Variants in CNTNAP2 observed in about 807,000 individuals in gnomAD.
The protein encoded by CNTNAP2 is contactin associated protein 2.
A neutral mutation model predicts 155.2 loss-of-function variants in CNTNAP2; 98 were observed. That is an observed-to-expected ratio of 0.63 (90% CI 0.54 to 0.75). The LOEUF (loss-of-function observed/expected upper bound fraction) is 0.75. Ranked by LOEUF, CNTNAP2 falls within the 30% of genes least tolerant of loss-of-function variation. The pLI, the probability that CNTNAP2 is intolerant of heterozygous loss-of-function variation, is 0.00. For synonymous variants in CNTNAP2, 651 were observed against 631.2 expected (o/e 1.03, Z -0.47); for missense variants, 1,727 against 1,688.1 (o/e 1.02, Z -0.40).
intron 20 of CNTNAP2, among the ~76,000 whole-genome samples, chr7:148,265,204 C>T (rs1226904659): frequency 6.6e-6 from 1 of 152,150 alleles, no homozygotes; most frequent in African/African-American, 2.4e-5. Context: ...AACTGAAGAG[C>T]TTTTGCTCCA....
At chr7:146,307,878 T>TAGA (rs570379917) in intron 1 of CNTNAP2, among the ~76,000 whole-genome samples, 17,573 of 151,412 alleles carry the variant, frequency 0.12, 2,457 homozygotes, top group African/African-American at 0.34. Context: ...ATAAAAACCC[T>TAGA]AGAAAACCCA....
chr7:146,599,526 C>T (rs1302951540), intron 1 of CNTNAP2, among the ~76,000 whole-genome samples: 1 of 151,954 alleles, frequency 6.6e-6, no homozygotes, highest in African/African-American at 2.4e-5. Context: ...CTAAATATAT[C>T]CACCAATCAG....
intron 8 of CNTNAP2, among the ~76,000 whole-genome samples, chr7:147,173,284 C>CT (rs554520966): frequency 0.029 from 4,235 of 147,642 alleles, 64 homozygotes; most frequent in South Asian, 0.064. Flanking sequence ...CCAAGTCCTA[C>CT]TTTTTTTTTT....
At chr7:147,052,262 A>G (rs1799486685) in intron 4 of CNTNAP2, among the ~76,000 whole-genome samples, 1 of 152,178 alleles carries the variant, frequency 6.6e-6, no homozygotes, top group Non-Finnish European at 1.5e-5. Context: ...AATTCAAAAT[A>G]AAGTCAACTG....
chr7:146,746,489 T>A (rs1801811907), intron 1 of CNTNAP2, among the ~76,000 whole-genome samples: 1 of 152,126 alleles, frequency 6.6e-6, no homozygotes, highest in South Asian at 2.1e-4. Flanking sequence ...CTAAGGTCAG[T>A]CCTTAGTCTC....
chr7:148,408,137 T>G (rs1486620090), intron 22 of CNTNAP2, among the ~76,000 whole-genome samples: 2 of 151,818 alleles, frequency 1.3e-5, no homozygotes, highest in African/African-American at 4.8e-5. Flanking sequence ...CCCAGCTACT[T>G]GGGAGGCTGA....
chr7:148,247,604 TC>T (rs1796287713), intron 20 of CNTNAP2, among the ~76,000 whole-genome samples: 1 of 144,224 alleles, frequency 6.9e-6, no homozygotes, highest in Non-Finnish European at 1.5e-5. Flanking sequence ...ATTCTCTCTC[TC>T]TCTCTCTCTC....
At chr7:146,182,782 G>C (rs1022927810) in intron 1 of CNTNAP2, among the ~76,000 whole-genome samples, 1 of 152,012 alleles carries the variant, frequency 6.6e-6, no homozygotes, top group Non-Finnish European at 1.5e-5. Flanking sequence ...CTCACACATC[G>C]AACTTCCTCA....
chr7:147,742,773 A>G (rs28716224), intron 13 of CNTNAP2, among the ~76,000 whole-genome samples: 9,226 of 152,264 alleles, frequency 0.061, 890 homozygotes, highest in African/African-American at 0.21. Flanking sequence ...TCAGGAATAG[A>G]CACAGTGTGT....
At chr7:146,410,174 C>T (rs761865630) in intron 1 of CNTNAP2, among the ~76,000 whole-genome samples, 2 of 152,092 alleles carry the variant, frequency 1.3e-5, no homozygotes, top group Non-Finnish European at 2.9e-5. Context: ...GAATGCCATT[C>T]CCTAGAGCAA....
At chr7:147,044,431 T>C (rs1799319740) in intron 4 of CNTNAP2, among the ~76,000 whole-genome samples, 1 of 152,172 alleles carries the variant, frequency 6.6e-6, no homozygotes, top group Non-Finnish European at 1.5e-5. Flanking sequence ...TTTGGGTCTT[T>C]ATTATGGGTT....
chr7:147,171,650 T>A (rs1005845629), intron 8 of CNTNAP2, among the ~76,000 whole-genome samples: 3 of 152,194 alleles, frequency 2.0e-5, no homozygotes, highest in African/African-American at 7.2e-5. Context: ...ATGAGGATCG[T>A]GAAATACCTC....
At chr7:146,698,066 A>T (rs1156537511) in intron 1 of CNTNAP2, among the ~76,000 whole-genome samples, 1 of 152,202 alleles carries the variant, frequency 6.6e-6, no homozygotes, top group Non-Finnish European at 1.5e-5. Context: ...CACAGGCGTC[A>T]CAGGTACATT....
chr7:146,819,109 T>C (rs1020015612), intron 2 of CNTNAP2, among the ~76,000 whole-genome samples: 4 of 152,140 alleles, frequency 2.6e-5, no homozygotes, highest in Non-Finnish European at 5.9e-5. Context: ...ATATCAGCTA[T>C]AAAGTATTCT....
chr7:147,113,589 A>T (rs1030158262), intron 5 of CNTNAP2, among the ~76,000 whole-genome samples: 5 of 152,124 alleles, frequency 3.3e-5, no homozygotes, highest in African/African-American at 1.2e-4. Flanking sequence ...AGTCGGGGAA[A>T]GCCCTTTATA....
At chr7:147,997,679 AGAG>A (rs1801828106) in intron 15 of CNTNAP2, among the ~76,000 whole-genome samples, 1 of 152,160 alleles carries the variant, frequency 6.6e-6, no homozygotes, top group South Asian at 2.1e-4. Flanking sequence ...TCTGAGAGAG[AGAG>A]GAGTCAGGGT....
At chr7:146,688,510 G>T (rs913645513) in intron 1 of CNTNAP2, among the ~76,000 whole-genome samples, 1 of 152,034 alleles carries the variant, frequency 6.6e-6, no homozygotes, top group Non-Finnish European at 1.5e-5. Context: ...AGTTAAAGGG[G>T]GTTGTTCTCT....
At chr7:148,138,245 T>C (rs1207801728) in intron 16 of CNTNAP2, among the ~76,000 whole-genome samples, 1 of 152,236 alleles carries the variant, frequency 6.6e-6, no homozygotes, top group African/African-American at 2.4e-5. Flanking sequence ...CCTATCAAGA[T>C]AGCCATGCAT....
At position 146,564,610 on chromosome 7, in the gene CNTNAP2, G is replaced by A. The variant is rs562911724; in HGVS notation, c.98-209661G>A. Among the ~76,000 whole-genome samples, 3 of 148,584 alleles carry A rather than the reference G, an allele frequency of 2.0e-5. No homozygotes were observed. The South Asian group carries it at 6.3e-4, about 31-fold the overall frequency. ...ATAGTATATATAATATATAAATGTA[G>A]CATATTATTTAAAAATTAAAAATAT... On this transcript the variant is annotated intron_variant, in intron 1 of 23. Transcript: ENST00000361727.
Sources: allele counts gnomAD v4.1 joint callset (sites outside exome capture counted in the v4.1 genomes callset), GRCh38; gene constraint gnomAD v4.1.1; transcripts MANE v1.5; gene names NCBI Gene and HGNC (gene_info 2026-07-23, HGNC 2026-07-21).